PCDHGB7: variants seen among roughly 807,000 people sequenced by gnomAD.
The protein encoded by PCDHGB7 is protocadherin gamma subfamily B, 7, also known as protocadherin gamma-B7.
Under a neutral mutation model 61.4 loss-of-function variants are expected in PCDHGB7, and 37 were observed. That is an observed-to-expected ratio of 0.60 (90% CI 0.46 to 0.79). The LOEUF (loss-of-function observed/expected upper bound fraction) is 0.79, where lower values mean the gene tolerates loss of function less well. Among genes scored for constraint, PCDHGB7 ranks in the 30% least tolerant of loss-of-function variants. The pLI is 0.00. For missense variants in PCDHGB7, 1,166 were observed against 1,202.5 expected, an observed-to-expected ratio of 0.97 and a Z score of 0.45; for synonymous variants, 464 against 503.5, an observed-to-expected ratio of 0.92 and a Z score of 1.05.
At chr5:141,423,219 T>C (rs775170753) in intron 1 of PCDHGB7, 3 of 1,613,752 alleles carry the variant, frequency 1.9e-6, no homozygotes, top group Admixed American at 1.7e-5. Flanking sequence ...TCACCGTGGC[T>C]GTGGCCGACA....
intron 1 of PCDHGB7, among the ~76,000 whole-genome samples, chr5:141,454,209 T>A (rs2098783885): frequency 6.6e-6 from 1 of 152,088 alleles, no homozygotes; most frequent in South Asian, 2.1e-4. Flanking sequence ...TTTATTGACA[T>A]GAATGAGAAA....
At chr5:141,450,445 T>C (rs1490338949) in intron 1 of PCDHGB7, among the ~76,000 whole-genome samples, 1 of 152,168 alleles carries the variant, frequency 6.6e-6, no homozygotes, top group East Asian at 1.9e-4. Context: ...ATTTGTTTTA[T>C]GTTTCCTCGT....
Position 141,447,603 on chromosome 5 carries a change from T to G in PCDHGB7, c.2415+27329T>G, listed in dbSNP as rs146950525. On this transcript the variant is annotated intron_variant, in intron 1 of 3. Transcript: ENST00000398594. ...ATACCTTAAACATCCTATAGAGTCC[T>G]TAGCATTTTAAAGTTGAAACCAACA... Among the ~76,000 whole-genome samples, 378 of 152,270 alleles carry G rather than the reference T, an allele frequency of 2.5e-3. 1 individual carries two copies. Among genetic ancestry groups the G allele is most frequent in the Non-Finnish European group, 4.5e-3 (309 of 68,030 alleles).
At chr5:141,455,634 G>C (rs1429708887) in intron 1 of PCDHGB7, among the ~76,000 whole-genome samples, 1 of 152,110 alleles carries the variant, frequency 6.6e-6, no homozygotes. Context: ...GAGATATGTG[G>C]GGGGCAGCCA....
chr5:141,478,497 CGGTGTTCTATAGGCA>C, intron 1 of PCDHGB7: 1 of 1,612,820 alleles, frequency 6.2e-7, no homozygotes, highest in South Asian at 1.1e-5. Flanking sequence ...AGCTGTGATC[CGGTGTTCTATAGGCA>C]GGTGTTGGGT....
chr5:141,422,908 C>G, intron 1 of PCDHGB7: 1 of 1,614,244 alleles, frequency 6.2e-7, no homozygotes, highest in Non-Finnish European at 8.5e-7. Flanking sequence ...CGACAATGCG[C>G]CCGAGATCCT....
rs748972821 is a variant in PCDHGB7 at position 141,476,094 on chromosome 5, GAGAGGAACT to G, written c.2416-18712_2416-18704del. ...TCTCAGGGACGATCTGGACCCCGCT[GAGAGGAACT>G]GCTTTTGAGTGAGATGGTCCCAGAG... is the stretch of plus-strand genomic sequence containing the variant. On this transcript the variant is annotated intron_variant, in intron 1 of 3. Coordinates refer to ENST00000398594, the MANE Select transcript of PCDHGB7 (RefSeq NM_018927.4). This position sits in a 1 kb window ranked among gnomAD's most constrained non-coding sequence, Gnocchi z 7.6. 6.4e-7 allele frequency: 1 copy of G among 1,568,172 alleles called. No individual in the cohort carries two copies. The highest frequency in any genetic ancestry group is 1.2e-5 in the South Asian group (1 of 85,292).
Position 141,477,068 on chromosome 5 carries a change from C to G in PCDHGB7, c.2416-17739C>G. The G allele has an allele frequency of 6.2e-7, 1 of 1,614,268 alleles. No individual in the cohort carries two copies. Among genetic ancestry groups the G allele is most frequent in the Non-Finnish European group, 8.5e-7 (1 of 1,180,046 alleles). On this transcript the variant is annotated intron_variant, in intron 1 of 3. Coordinates refer to ENST00000398594, the MANE Select transcript of PCDHGB7 (RefSeq NM_018927.4). This position sits in a 1 kb window ranked among gnomAD's most constrained non-coding sequence, Gnocchi z 4.9. ...GCTGGACTTCGAGGACACCAAACTC[C>G]ATGAGATTTACATCCAGGCCAAAGA...
intron 1 of PCDHGB7, chr5:141,421,405 C>T (rs2096570069): frequency 6.2e-7 from 1 of 1,614,074 alleles, no homozygotes; most frequent in African/African-American, 1.3e-5. Context: ...GCCCCGGGAG[C>T]TGGCGAAGCG....
Position 141,417,819 on chromosome 5 carries a change from C to T in PCDHGB7, c.-41C>T. ...TTAGCGCGGTAGAGTGCACTTTCTC[C>T]AACTGGAAAAGCGGGGACCCAGCGA... On this transcript the variant is annotated 5_prime_UTR_variant, in exon 1 of 4. Coordinates refer to ENST00000398594, the MANE Select transcript of PCDHGB7 (RefSeq NM_018927.4). 3.3e-6 allele frequency: 5 copies of T among 1,513,202 alleles called. No homozygotes were observed. The highest frequency in any genetic ancestry group is 3.5e-6 in the Non-Finnish European group (4 of 1,128,050). The allele number at this position is 1,513,202 out of a possible 1,614,324, so 93.7% of individuals were successfully genotyped here.
chr5:141,487,377 C>T lies in PCDHGB7; in HGVS notation c.2416-7430C>T, dbSNP rs758216933. Reference sequence around the variant, plus strand: ...CCTGCTGGCACCTGTGCCTGTCTCACCAGATCTCGAAGGAGGGAGGGGCTT... The same window carrying T: ...CCTGCTGGCACCTGTGCCTGTCTCATCAGATCTCGAAGGAGGGAGGGGCTT... On this transcript the variant is annotated intron_variant, in intron 1 of 3. Transcript: ENST00000398594. The surrounding 1 kb of genome is among the most constrained non-coding windows in gnomAD (Gnocchi z 5.0). 6.2e-7 allele frequency: 1 copy of T among 1,614,190 alleles called. No homozygotes were observed. Among genetic ancestry groups the T allele is most frequent in the Non-Finnish European group, 8.5e-7 (1 of 1,180,034 alleles).
At chr5:141,443,344 G>T (rs1016738767) in intron 1 of PCDHGB7, among the ~76,000 whole-genome samples, 2 of 151,966 alleles carry the variant, frequency 1.3e-5, no homozygotes, top group African/African-American at 2.4e-5. Context: ...AATTAACAAG[G>T]TTTAGTGGTC....
chr5:141,447,864 T>A (rs2098553913), intron 1 of PCDHGB7, among the ~76,000 whole-genome samples: 1 of 152,098 alleles, frequency 6.6e-6, no homozygotes, highest in Non-Finnish European at 1.5e-5. Context: ...GGTGGGTGAA[T>A]CATCTGAGGT....
intron 1 of PCDHGB7, among the ~76,000 whole-genome samples, chr5:141,430,358 C>T (rs2097275535): frequency 6.7e-6 from 1 of 149,028 alleles, no homozygotes; most frequent in South Asian, 2.1e-4. Flanking sequence ...TTTAAAAGCT[C>T]ATTGGGGAAA....
At chr5:141,492,578 G>A (rs1380328678) in intron 1 of PCDHGB7, among the ~76,000 whole-genome samples, 1 of 152,216 alleles carries the variant, frequency 6.6e-6, no homozygotes, top group Non-Finnish European at 1.5e-5. Flanking sequence ...CGAGGCGCGG[G>A]GCCAGGAGCG....
Position 141,491,739 on chromosome 5 carries a change from C to A in PCDHGB7, c.2416-3068C>A, listed in dbSNP as rs372183034. ...CGCCGCCCCGGGCGACCCCTGGGGG[C>A]GGCACTGGAGAAGCCGCCCGTCCTC... On this transcript the variant is annotated intron_variant, in intron 1 of 3. Transcript: ENST00000398594. The surrounding 1 kb of genome is among the most constrained non-coding windows in gnomAD (Gnocchi z 6.9). 2 of 1,598,886 alleles carry A rather than the reference C, an allele frequency of 1.3e-6. No individual in the cohort carries two copies. The highest frequency in any genetic ancestry group is 1.3e-5 in the African/African-American group (1 of 74,290).
Position 141,487,687 on chromosome 5 carries a change from A to G in PCDHGB7, c.2416-7120A>G, listed in dbSNP as rs750431854. ...CAGGCATATGGCTAGGCCATGTCCTAGAGAGTACTGGCCTCTCAGTAAGTG... is the reference window on the plus strand; with the variant it reads ...CAGGCATATGGCTAGGCCATGTCCTGGAGAGTACTGGCCTCTCAGTAAGTG... On this transcript the variant is annotated intron_variant, in intron 1 of 3. Transcript: ENST00000398594. This position sits in a 1 kb window ranked among gnomAD's most constrained non-coding sequence, Gnocchi z 5.0. The G allele has an allele frequency of 1.9e-6, 3 of 1,606,256 alleles. No individual in the cohort carries two copies. The highest frequency in any genetic ancestry group is 3.4e-5 in the Admixed American group (2 of 58,832).
At chr5:141,422,898 C>CTCTG (rs747261683) in intron 1 of PCDHGB7, 4 of 1,614,250 alleles carry the variant, frequency 2.5e-6, no homozygotes, top group Non-Finnish European at 3.4e-6. Flanking sequence ...TGGACCAGAA[C>CTCTG]GACAATGCGC....
intron 1 of PCDHGB7, chr5:141,421,294 A>G (rs779984795): frequency 1.9e-6 from 3 of 1,613,304 alleles, no homozygotes; most frequent in Non-Finnish European, 2.5e-6. Context: ...TTTCCTGGGG[A>G]CGCTGCGGGG....
Sources: allele counts gnomAD v4.1 joint callset (sites outside exome capture counted in the v4.1 genomes callset), GRCh38; gene constraint gnomAD v4.1.1; non-coding constraint Gnocchi (gnomAD v3.1); transcripts MANE v1.5; gene names NCBI Gene and HGNC (gene_info 2026-07-23, HGNC 2026-07-21).